SLC37A3: variants seen among roughly 807,000 people sequenced by gnomAD.
SLC37A3 encodes solute carrier family 37 member 3.
A neutral mutation model predicts 67.1 loss-of-function variants in SLC37A3; 51 were observed. That is an observed-to-expected ratio of 0.76 (90% CI 0.61 to 0.96). The LOEUF (loss-of-function observed/expected upper bound fraction) is 0.96, where lower values mean the gene tolerates loss of function less well. Ranked by LOEUF, SLC37A3 falls within the 40% of genes least tolerant of loss-of-function variation. SLC37A3 has a pLI of 0.00. For missense variants in SLC37A3, 508 were observed against 603.0 expected, an observed-to-expected ratio of 0.84 and a Z score of 1.65; for synonymous variants, 214 against 231.4, an observed-to-expected ratio of 0.92 and a Z score of 0.68.
intron 10 of SLC37A3, 147 bp downstream of exon 10, chr7:140,348,473 TTTTTTG>T: frequency 1.4e-6 from 1 of 699,476 alleles, no homozygotes; most frequent in Non-Finnish European, 2.1e-6. Context: ...TTTTTTTTTT[TTTTTTG>T]AGTTTGGCTG....
rs1796537438 is a variant in SLC37A3 at position 140,345,913 on chromosome 7, G to A, written c.1082C>T (p.Ala361Val). 6.2e-7 allele frequency: 1 copy of A among 1,613,906 alleles called. No individual in the cohort carries two copies. The highest frequency in any genetic ancestry group is 8.5e-7 in the Non-Finnish European group (1 of 1,180,006). The change falls in exon 11 of 15, where the codon GCC (alanine) becomes GTC (valine). Residue 361 changes from alanine (A) to valine (V), a missense_variant. Transcript: ENST00000326232. The stretch of plus-strand genomic sequence containing the variant: ...CCCAACTGCCAGAAGCAGACTCAGG[G>A]CAAGAACCGGCGCTCTCTTCTGTAG... ...DVLQKRAPVL[A>V]LSLLLAVGSL...
chr7:140,357,977 G>A (rs1397562026), intron 6 of SLC37A3, among the ~76,000 whole-genome samples: 2 of 151,462 alleles, frequency 1.3e-5, no homozygotes, highest in East Asian at 3.9e-4. Context: ...TTGGGAGGCT[G>A]AGGCAGGAGA....
intron 3 of SLC37A3, among the ~76,000 whole-genome samples, chr7:140,372,886 G>A (rs570456793): frequency 6.6e-5 from 10 of 151,554 alleles, no homozygotes; most frequent in South Asian, 2.1e-4. Flanking sequence ...CCAGTGTCAC[G>A]TAAGACTGTC....
intron 2 of SLC37A3, among the ~76,000 whole-genome samples, chr7:140,382,058 A>G (rs1013132692): frequency 7.3e-5 from 11 of 151,216 alleles, no homozygotes; most frequent in African/African-American, 2.7e-4. Context: ...AAAAAAAAAA[A>G]GTACAAAATA....
chr7:140,356,657 T>C (rs919054342), intron 6 of SLC37A3, among the ~76,000 whole-genome samples: 68 of 152,268 alleles, frequency 4.5e-4, no homozygotes, highest in African/African-American at 1.5e-3. Context: ...TACTCCAGCC[T>C]GGGTGACAGG....
At position 140,368,280 on chromosome 7, in the gene SLC37A3, A is replaced by T. The variant is rs533758071; in HGVS notation, c.291+1310T>A. Among the ~76,000 whole-genome samples, 4 of 152,214 alleles carry T rather than the reference A, an allele frequency of 2.6e-5. No homozygotes were observed. In the East Asian group the frequency reaches 7.8e-4, roughly 30 times the overall value. On this transcript the variant is annotated intron_variant, in intron 4 of 14. Transcript: ENST00000326232. ...TGATCTATAAATCATCTAAAGGCCA[A>T]GGACTCCGAGCGCAGTGGCTCACGC... is the stretch of plus-strand genomic sequence containing the variant.
chr7:140,378,511 G>A (rs1375957605), intron 3 of SLC37A3, among the ~76,000 whole-genome samples: 1 of 152,160 alleles, frequency 6.6e-6, no homozygotes, highest in East Asian at 1.9e-4. Flanking sequence ...GCCGAGGCAG[G>A]AGGATCACGA....
At chr7:140,349,544 G>C (rs984636621) in intron 9 of SLC37A3, among the ~76,000 whole-genome samples, 10 of 150,392 alleles carry the variant, frequency 6.6e-5, no homozygotes, top group Non-Finnish European at 1.2e-4. Context: ...AAAAAGGGGG[G>C]GGGGACAGAG....
chr7:140,349,288 T>A (rs972737977), intron 9 of SLC37A3, among the ~76,000 whole-genome samples: 2 of 152,138 alleles, frequency 1.3e-5, no homozygotes, highest in Non-Finnish European at 2.9e-5. Context: ...AGTTCCACGG[T>A]CTAAGAAAAG....
chr7:140,356,269 T>A lies in SLC37A3; in HGVS notation c.522-505A>T, dbSNP rs549598609. Among the ~76,000 whole-genome samples, 32 of 150,466 alleles carry A rather than the reference T, an allele frequency of 2.1e-4. No individual in the cohort carries two copies. In the South Asian group the frequency reaches 6.5e-3, roughly 31 times the overall value. ...CTCAGTAAAATATGACAACAGACAA[T>A]GCAATAGTATGTTAAAAAGCATGAA... On this transcript the variant is annotated intron_variant, in intron 6 of 14. Transcript: ENST00000326232.
chr7:140,368,656 T>G (rs1797701841), intron 4 of SLC37A3, among the ~76,000 whole-genome samples: 1 of 152,092 alleles, frequency 6.6e-6, no homozygotes, highest in African/African-American at 2.4e-5. Flanking sequence ...CACCTTGAAC[T>G]CCACACTCAA....
intron 7 of SLC37A3, among the ~76,000 whole-genome samples, chr7:140,355,222 T>C (rs1585284551): frequency 6.6e-6 from 1 of 150,994 alleles, no homozygotes; most frequent in African/African-American, 2.4e-5. Flanking sequence ...TTTTAATTAA[T>C]TTATTTCTGA....
Position 140,335,223 on chromosome 7 carries a change from T to C in SLC37A3, c.*189A>G. On this transcript the variant is annotated 3_prime_UTR_variant, in exon 15 of 15. Transcript: ENST00000326232. Reference sequence around the variant, plus strand: ...CAACAGCAAAAATCATCAACAGTAATTCCTGTAGTGTAGAAAACTAGTGCA... The same window carrying C: ...CAACAGCAAAAATCATCAACAGTAACTCCTGTAGTGTAGAAAACTAGTGCA... 6.2e-7 allele frequency: 1 copy of C among 1,610,724 alleles called. No homozygotes were observed. Among genetic ancestry groups the C allele is most frequent in the Non-Finnish European group, 8.5e-7 (1 of 1,177,584 alleles).
intron 1 of SLC37A3, among the ~76,000 whole-genome samples, chr7:140,387,249 T>C (rs1798490173): frequency 1.3e-5 from 2 of 152,060 alleles, no homozygotes; most frequent in South Asian, 2.1e-4. Flanking sequence ...GGCGGGTGGA[T>C]TGCTGGAGTT....
chr7:140,343,420 C>T lies in SLC37A3; in HGVS notation c.1318G>A (p.Val440Met), dbSNP rs756948084. The change falls in exon 13 of 15, where the codon GTG becomes ATG. Residue 440 changes from valine to methionine, a missense_variant. Transcript: ENST00000326232. Reference protein sequence around the residue: ...VDGSGSIGAAVGQYLVSLIRD... With the variant: ...VDGSGSIGAAMGQYLVSLIRD... ...CTCTCCTGTTCTCTCACCTGGCCCA[C>T]TGCAGCTCCAATGCTCCCCGAACCA... The T allele has an allele frequency of 6.2e-7, 1 of 1,613,664 alleles. No individual in the cohort carries two copies. The highest frequency in any genetic ancestry group is 8.5e-7 in the Non-Finnish European group (1 of 1,179,934).
intron 11 of SLC37A3, 62 bp downstream of exon 11, chr7:140,345,807 A>C: frequency 7.5e-7 from 1 of 1,334,290 alleles, no homozygotes; most frequent in Non-Finnish European, 1.1e-6. Flanking sequence ...ACTCCAAACA[A>C]ATGCCTTATT....
chr7:140,349,793 A>C (rs1442056013), intron 9 of SLC37A3, among the ~76,000 whole-genome samples: 1 of 152,216 alleles, frequency 6.6e-6, no homozygotes, highest in African/African-American at 2.4e-5. Flanking sequence ...CTTGTGAAGA[A>C]CAAAGGAACA....
At chr7:140,356,159 A>C (rs1041096959) in intron 6 of SLC37A3, among the ~76,000 whole-genome samples, 2 of 149,618 alleles carry the variant, frequency 1.3e-5, no homozygotes, top group African/African-American at 4.9e-5. Context: ...ACGCCACTGC[A>C]CTCCAGCCTT....
At chr7:140,347,772 A>C (rs1476237320) in intron 10 of SLC37A3, among the ~76,000 whole-genome samples, 4 of 151,444 alleles carry the variant, frequency 2.6e-5, no homozygotes, top group African/African-American at 7.3e-5. Flanking sequence ...AAAAAAAAAA[A>C]CCACTATTAA....
Sources: allele counts gnomAD v4.1 joint callset (sites outside exome capture counted in the v4.1 genomes callset), GRCh38; gene constraint gnomAD v4.1.1; transcripts MANE v1.5; gene names NCBI Gene and HGNC (gene_info 2026-07-23, HGNC 2026-07-21).